TUSC3: variants seen among roughly 807,000 people sequenced by gnomAD.
TUSC3 encodes dolichyl-diphosphooligosaccharide--protein glycosyltransferase subunit TUSC3.
Under a neutral mutation model 44.8 loss-of-function variants are expected in TUSC3, and 45 were observed. The observed-to-expected ratio is 1.00, with a 90% CI of 0.79 to 1.29. The LOEUF is 1.29. TUSC3 is among the 50% of genes most tolerant of loss of function. TUSC3 has a pLI of 0.00. For synonymous variants in TUSC3, 212 were observed against 152.9 expected (o/e 1.39, Z -2.85); for missense variants, 519 against 437.9 (o/e 1.19, Z -1.65).
At chr8:15,678,940 G>T (rs541298548) in intron 6 of TUSC3, among the ~76,000 whole-genome samples, 1 of 152,268 alleles carries the variant, frequency 6.6e-6, no homozygotes, top group African/African-American at 2.4e-5. Context: ...TGGAGGACAT[G>T]ATTTTATTGT....
intron 1 of TUSC3, among the ~76,000 whole-genome samples, chr8:15,420,268 A>T (rs534528094): frequency 6.6e-6 from 1 of 152,190 alleles, no homozygotes; most frequent in South Asian, 2.1e-4. Flanking sequence ...AGGCCAAGGC[A>T]GGCAGATCAC....
intron 8 of TUSC3, among the ~76,000 whole-genome samples, chr8:15,744,739 T>C (rs1811332881): frequency 6.6e-6 from 1 of 152,172 alleles, no homozygotes; most frequent in Non-Finnish European, 1.5e-5. Flanking sequence ...TTTTATTTAT[T>C]TATCTTTTGA....
chr8:15,544,512 A>T lies in TUSC3; in HGVS notation c.138+3944A>T, dbSNP rs187700628. Among the ~76,000 whole-genome samples the T allele has an allele frequency of 6.1e-4, 93 of 151,946 alleles. 1 individual carries two copies. Among genetic ancestry groups the T allele is most frequent in the African/African-American group, 2.1e-3 (86 of 41,544 alleles). On this transcript the variant is annotated intron_variant, in intron 1 of 10. Coordinates refer to ENST00000503731, the MANE Select transcript of TUSC3 (RefSeq NM_006765.4). ...TTGAAGAGCTCATGTTTTCTAAGCG[A>T]TCAATTGTTTGACTAAATAAAACAT... is the stretch of plus-strand genomic sequence containing the variant.
At chr8:15,420,762 T>G (rs907794590) in intron 1 of TUSC3, among the ~76,000 whole-genome samples, 1 of 152,152 alleles carries the variant, frequency 6.6e-6, no homozygotes, top group Non-Finnish European at 1.5e-5. Context: ...TGGTGTTCCC[T>G]GTCTCTTCAG....
chr8:15,763,080 T>G (rs749870447), intron 10 of TUSC3, among the ~76,000 whole-genome samples: 3 of 151,984 alleles, frequency 2.0e-5, no homozygotes, highest in Non-Finnish European at 4.4e-5. Context: ...GTACTGTGAC[T>G]TTATTTACAT....
exon 2 of TUSC3, chr8:15,483,460 T>C (rs28663095): frequency 0.24 from 37,438 of 158,698 alleles, 4,760 homozygotes; most frequent in East Asian, 0.4. Flanking sequence ...CCTGCCTCAG[T>C]CTCCCAAGTA....
At chr8:15,450,197 A>G (rs1800175393) in intron 1 of TUSC3, among the ~76,000 whole-genome samples, 1 of 152,204 alleles carries the variant, frequency 6.6e-6, no homozygotes, top group African/African-American at 2.4e-5. Context: ...TTTAAAGTAT[A>G]TGTGTGTTTA....
chr8:15,503,716 A>G (rs1801001039), intron 2 of TUSC3, among the ~76,000 whole-genome samples: 1 of 152,078 alleles, frequency 6.6e-6, no homozygotes, highest in Non-Finnish European at 1.5e-5. Context: ...AAACAAAAAA[A>G]TATCGGCCAG....
At chr8:15,429,569 C>A (rs1001220171) in intron 1 of TUSC3, among the ~76,000 whole-genome samples, 1 of 121,522 alleles carries the variant, frequency 8.2e-6, no homozygotes, top group Non-Finnish European at 1.6e-5. Flanking sequence ...GCAGTATGGC[C>A]ATTTTTTTTT....
rs76433027 is a variant in TUSC3 at position 15,698,694 on chromosome 8, C to T, written c.798+24858C>T. On this transcript the variant is annotated intron_variant, in intron 6 of 10. Transcript: ENST00000503731. ...TTTTTTCTGTGCCATTCTCTCATTA[C>T]TAGGTGAAAATGAAATGTTTTTTAC... is the stretch of plus-strand genomic sequence containing the variant. Among the ~76,000 whole-genome samples, 1,114 of 152,244 alleles carry T rather than the reference C, an allele frequency of 7.3e-3. 9 individuals carry two copies. Among genetic ancestry groups the T allele is most frequent in the Non-Finnish European group, 0.012 (825 of 68,020 alleles).
chr8:15,804,296 T>C, the TUSC3 span, among the ~76,000 whole-genome samples: 1 of 152,220 alleles, frequency 6.6e-6, no homozygotes, highest in African/African-American at 2.4e-5. Flanking sequence ...CTCTTTACTC[T>C]GTTTATAGTT....
intron 2 of TUSC3, among the ~76,000 whole-genome samples, chr8:15,485,805 T>TG (rs1800726065): frequency 3.3e-5 from 5 of 151,626 alleles, no homozygotes; most frequent in Non-Finnish European, 5.9e-5. Flanking sequence ...TTTGTTTGTT[T>TG]TTTTGAGGCA....
chr8:15,425,338 C>T (rs1799790305), intron 1 of TUSC3, among the ~76,000 whole-genome samples: 1 of 152,152 alleles, frequency 6.6e-6, no homozygotes, highest in South Asian at 2.1e-4. Context: ...CTTAAGAATG[C>T]TTTGGCAGAC....
chr8:15,827,153 C>T, the TUSC3 span, among the ~76,000 whole-genome samples: 1 of 152,126 alleles, frequency 6.6e-6, no homozygotes, highest in South Asian at 2.1e-4. Context: ...ATAAGTACAT[C>T]CCTCTCCATG....
chr8:15,741,983 C>T (rs17121874), intron 7 of TUSC3, among the ~76,000 whole-genome samples: 25,981 of 152,006 alleles, frequency 0.17, 2,236 homozygotes, highest in South Asian at 0.23. Context: ...AACAATGTCC[C>T]ATGTCTGTGG....
chr8:15,812,198 A>G, the TUSC3 span, among the ~76,000 whole-genome samples: 2 of 152,226 alleles, frequency 1.3e-5, no homozygotes, highest in Non-Finnish European at 2.9e-5. Context: ...TCCTATAAAC[A>G]AATAAGTACT....
chr8:15,628,541 G>A (rs11988835), intron 2 of TUSC3, among the ~76,000 whole-genome samples: 13,314 of 152,178 alleles, frequency 0.087, 1,342 homozygotes, highest in African/African-American at 0.25. Context: ...TAATGGGTCA[G>A]TGTCGGGGTA....
intron 1 of TUSC3, among the ~76,000 whole-genome samples, chr8:15,554,026 C>G (rs1287626238): frequency 6.6e-6 from 1 of 151,520 alleles, no homozygotes; most frequent in East Asian, 2.0e-4. Flanking sequence ...GCTGGGAAGT[C>G]CAAGATCAAG....
chr8:15,590,132 AT>A (rs1803764873), intron 1 of TUSC3, among the ~76,000 whole-genome samples: 2 of 152,190 alleles, frequency 1.3e-5, no homozygotes, highest in African/African-American at 4.8e-5. Context: ...GATAGATGAC[AT>A]TTATGGATAT....
Sources: gnomAD v4.1 joint callset for allele counts (sites outside exome capture counted in the v4.1 genomes callset) on GRCh38, gnomAD v4.1.1 for gene constraint, MANE v1.5 for transcripts, NCBI Gene and HGNC (gene_info 2026-07-23, HGNC 2026-07-21) for gene names.